Variants in NF1 observed in about 807,000 individuals in gnomAD.
NF1 encodes neurofibromin 1, also known as neurofibromin.
In NF1, 122 loss-of-function variants were observed where a neutral mutation model predicts 325.7. The ratio of observed to expected loss-of-function variants is 0.37; its 90% confidence interval spans 0.32 to 0.44. The LOEUF is 0.44. Ranked by LOEUF, NF1 falls within the 20% of genes least tolerant of loss-of-function variation. The pLI, the probability that NF1 is intolerant of heterozygous loss-of-function variation, is 1.00. For synonymous variants in NF1, 1,091 were observed against 1,186.0 expected (o/e 0.92, Z 1.65); for missense variants, 2,140 against 3,415.4 (o/e 0.63, Z 9.31).
At chr17:31,269,432 A>G (rs1353424720) in intron 36 of NF1, among the ~76,000 whole-genome samples, 1 of 152,224 alleles carries the variant, frequency 6.6e-6, no homozygotes, top group Non-Finnish European at 1.5e-5. Context: ...GTGTTTCAAA[A>G]GGGGAATTGT....
At chr17:31,260,260 ATAT>A in intron 33 of NF1, 106 bp from the exon 34 acceptor site, 2 of 1,147,694 alleles carry the variant, frequency 1.7e-6, no homozygotes, top group Non-Finnish European at 2.6e-6. Context: ...CAAGCCCTCC[ATAT>A]TTGTAATCTT....
chr17:31,139,413 C>CAT (rs61429954), intron 1 of NF1, among the ~76,000 whole-genome samples: 1 of 150,734 alleles, frequency 6.6e-6, no homozygotes, highest in East Asian at 1.9e-4. Context: ...CACACACACA[C>CAT]GGTAACTGTG....
chr17:31,325,245 G>A (rs2069311974), intron 36 of NF1, among the ~76,000 whole-genome samples: 1 of 152,058 alleles, frequency 6.6e-6, no homozygotes, highest in Non-Finnish European at 1.5e-5. Flanking sequence ...CAGTCTTTTG[G>A]GAGGCTCTTC....
intron 29 of NF1, among the ~76,000 whole-genome samples, chr17:31,245,544 GA>G: frequency 6.6e-6 from 1 of 152,292 alleles, no homozygotes; most frequent in East Asian, 1.9e-4. Context: ...CCTTGAGTTG[GA>G]TTAATTTGCT....
chr17:31,359,532 T>C (rs2070352661), intron 56 of NF1: 1 of 166,384 alleles, frequency 6.0e-6, no homozygotes, highest in Non-Finnish European at 1.3e-5. Context: ...CAATCTTGGC[T>C]CACTGCAACC....
intron 5 of NF1, 99 bp from the exon 6 acceptor site, chr17:31,181,323 G>A: frequency 9.1e-7 from 1 of 1,097,530 alleles, no homozygotes; most frequent in Non-Finnish European, 1.4e-6. Flanking sequence ...AGATAATATT[G>A]GAGCAAAAGT....
chr17:31,258,744 TAATC>T (rs1457381564), intron 32 of NF1, among the ~76,000 whole-genome samples: 1 of 152,142 alleles, frequency 6.6e-6, no homozygotes, highest in Non-Finnish European at 1.5e-5. Flanking sequence ...ATTTTTTGCG[TAATC>T]ATTCTAGACA....
At chr17:31,318,429 A>G in intron 36 of NF1, 2 of 1,613,922 alleles carry the variant, frequency 1.2e-6, no homozygotes, top group Non-Finnish European at 1.7e-6. Context: ...TTCTTTTCCA[A>G]GTGTCTGATT....
chr17:31,267,300 G>A (rs1217662466), intron 36 of NF1, among the ~76,000 whole-genome samples: 3 of 152,298 alleles, frequency 2.0e-5, no homozygotes, highest in Admixed American at 6.5e-5. Context: ...GCTGGGGTAT[G>A]TGCTTATAAA....
chr17:31,356,863 C>T (rs1029650277), intron 52 of NF1, 97 bp from the exon 53 acceptor site: 6 of 1,528,104 alleles, frequency 3.9e-6, no homozygotes, highest in Non-Finnish European at 5.4e-6. Context: ...TAAGTATCTA[C>T]TAAAGAAAGC....
intron 36 of NF1, chr17:31,305,196 T>G (rs775673321): frequency 1.2e-6 from 2 of 1,613,924 alleles, no homozygotes; most frequent in Non-Finnish European, 1.7e-6. Flanking sequence ...ATGACTTTGG[T>G]GGTTGTGTGG....
intron 48 of NF1, 39 bp downstream of exon 48, chr17:31,343,174 A>G: frequency 6.6e-7 from 1 of 1,520,420 alleles, no homozygotes; most frequent in African/African-American, 1.4e-5. Context: ...ATGAAGTACT[A>G]TTAAGAAACC....
intron 1 of NF1, chr17:31,136,470 A>G (rs1239950685): frequency 4.6e-5 from 7 of 152,266 alleles, no homozygotes; most frequent in African/African-American, 1.7e-4. Context: ...AAATTCCAGA[A>G]ATAAACAATT....
intron 23 of NF1, 60 bp from the exon 24 acceptor site, chr17:31,230,782 G>GGTGT: frequency 8.0e-7 from 1 of 1,244,326 alleles, no homozygotes; most frequent in Middle Eastern, 1.9e-4. Context: ...CGTGACTAAA[G>GGTGT]GTGTGTGTGT....
At chr17:31,096,265 C>A (rs1417868099) in intron 1 of NF1, among the ~76,000 whole-genome samples, 1 of 151,670 alleles carries the variant, frequency 6.6e-6, no homozygotes, top group African/African-American at 2.4e-5. Flanking sequence ...CAGAGCAAAG[C>A]CAGCTGGGAT....
intron 1 of NF1, among the ~76,000 whole-genome samples, chr17:31,103,332 T>C (rs1912533366): frequency 6.6e-6 from 1 of 152,042 alleles, no homozygotes; most frequent in Admixed American, 6.6e-5. Context: ...AACCTCTGCC[T>C]CCCGGGTTCA....
At chr17:31,260,254 C>T in intron 33 of NF1, 115 bp from the exon 34 acceptor site, 1 of 1,082,558 alleles carries the variant, frequency 9.2e-7, no homozygotes, top group East Asian at 2.4e-5. Flanking sequence ...TGTGAACAAG[C>T]CCTCCATATT....
chr17:31,289,919 T>A (rs764542010), intron 36 of NF1, among the ~76,000 whole-genome samples: 4 of 152,150 alleles, frequency 2.6e-5, no homozygotes, highest in Non-Finnish European at 5.9e-5. Flanking sequence ...GTTTTTTTTT[T>A]AATTGCTTGC....
chr17:31,241,588 A>G (rs987452343), intron 29 of NF1, among the ~76,000 whole-genome samples: 2 of 152,230 alleles, frequency 1.3e-5, no homozygotes, highest in Non-Finnish European at 2.9e-5. Context: ...AGCTGATGAC[A>G]AGTTAACACT....
Sources: allele counts gnomAD v4.1 joint callset (sites outside exome capture counted in the v4.1 genomes callset), GRCh38; gene constraint gnomAD v4.1.1; transcripts MANE v1.5; gene names NCBI Gene and HGNC (gene_info 2026-07-23, HGNC 2026-07-21).